Variants in ZNF395 observed in about 807,000 individuals in gnomAD.
ZNF395 encodes HD gene regulatory region-binding protein 2.
In ZNF395, 20 loss-of-function variants were observed where a neutral mutation model predicts 57.7. That is an observed-to-expected ratio of 0.35 (90% CI 0.24 to 0.50). The LOEUF (loss-of-function observed/expected upper bound fraction) is 0.50. Ranked by LOEUF, ZNF395 falls within the 20% of genes least tolerant of loss-of-function variation. The probability of loss-of-function intolerance (pLI) is 0.97; values close to 1 mark genes in which losing one functional copy is unlikely to be tolerated. For synonymous variants in ZNF395, 295 were observed against 275.9 expected, an observed-to-expected ratio of 1.07 and a Z score of -0.69; for missense variants, 606 against 671.2, an observed-to-expected ratio of 0.90 and a Z score of 1.07.
At chr8:28,364,107 T>G (rs950795698) in intron 1 of ZNF395, among the ~76,000 whole-genome samples, 22 of 152,240 alleles carry the variant, frequency 1.4e-4, no homozygotes, top group African/African-American at 4.1e-4. Context: ...AATTTAATCC[T>G]CAAAAGGATC....
At chr8:28,362,371 T>C (rs957079235) in intron 1 of ZNF395, among the ~76,000 whole-genome samples, 2 of 152,200 alleles carry the variant, frequency 1.3e-5, no homozygotes, top group African/African-American at 2.4e-5. Context: ...CAGTTCCTAA[T>C]CTCTGCTGTT....
chr8:28,352,781 AAAAAC>A lies in ZNF395; in HGVS notation c.820-113_820-109del. 1.1e-6 allele frequency: 1 copy of A among 901,932 alleles called. No homozygotes were observed. The highest frequency in any genetic ancestry group is 2.5e-5 in the East Asian group (1 of 39,968). 55.9% of individuals were successfully genotyped at this position (901,932 alleles called of 1,614,324 possible). ...GCTGCTGTCCCCGGCCTGACCCAAC[AAAAAC>A]CTCCAGGAAAGGGGTTCTCTGGGAC... is the stretch of plus-strand genomic sequence containing the variant. On this transcript the variant is annotated intron_variant, in intron 5 of 9. Coordinates refer to ENST00000344423, the MANE Select transcript of ZNF395 (RefSeq NM_018660.3). The surrounding 1 kb of genome is among the most constrained non-coding windows in gnomAD (Gnocchi z 4.0).
chr8:28,364,333 CTA>C (rs1801884425), intron 1 of ZNF395, among the ~76,000 whole-genome samples: 1 of 152,006 alleles, frequency 6.6e-6, no homozygotes, highest in Non-Finnish European at 1.5e-5. Context: ...GTTTTTTTCC[CTA>C]TGTTAGTGAA....
At chr8:28,349,892 CCAGGGAGGGGG>C (rs1297970340) in intron 8 of ZNF395, among the ~76,000 whole-genome samples, 161 bp downstream of exon 8, 4 of 152,244 alleles carry the variant, frequency 2.6e-5, no homozygotes, top group Admixed American at 6.5e-5. Context: ...ATGGGGAGTG[CCAGGGAGGGGG>C]CAGCACAAGG....
chr8:28,349,130 A>G lies in ZNF395; in HGVS notation c.1425T>C (p.Gly475=). 1 of 1,566,864 alleles carries G rather than the reference A, an allele frequency of 6.4e-7. No homozygotes were observed. Among genetic ancestry groups the G allele is most frequent in the Non-Finnish European group, 8.6e-7 (1 of 1,157,610 alleles). The change falls in exon 9 of 10, where the codon GGT becomes GGC. Residue 475 remains glycine (G), a synonymous_variant. Transcript: ENST00000344423. ...IVTSPPRAQS[G]ARKARGEAKK... ...GACGACAGCGGACATCTCACCTGGC[A>G]CCACTCTGGGCCCGGGGTGGAGAAG...
At position 28,359,866 on chromosome 8, in the gene ZNF395, G is replaced by T; in HGVS notation, c.241-42C>A. 2 of 1,584,532 alleles carry T rather than the reference G, an allele frequency of 1.3e-6. No individual in the cohort carries two copies. The highest frequency in any genetic ancestry group is 1.7e-6 in the Non-Finnish European group (2 of 1,159,542). ...AGCAGTTAGTGGTCAGCCCTGGATG[G>T]GTCTCGCCCTGAAGTTCTCATGCAC... On this transcript the variant is annotated intron_variant, in intron 2 of 9. Coordinates refer to ENST00000344423, the MANE Select transcript of ZNF395 (RefSeq NM_018660.3). The surrounding 1 kb of genome is among the most constrained non-coding windows in gnomAD (Gnocchi z 4.7).
intron 1 of ZNF395, among the ~76,000 whole-genome samples, chr8:28,385,840 G>C (rs1201692495): frequency 1.4e-5 from 2 of 142,722 alleles, no homozygotes; most frequent in Admixed American, 6.9e-5. Flanking sequence ...CCGCCACCCC[G>C]GCCCTGCCGC....
At chr8:28,358,715 C>T (rs749772685) in intron 3 of ZNF395, among the ~76,000 whole-genome samples, 26 of 152,140 alleles carry the variant, frequency 1.7e-4, no homozygotes, top group Non-Finnish European at 2.9e-4. Context: ...TGAGCCACTG[C>T]GCCTGGCCTA....
Position 28,352,922 on chromosome 8 carries a change from GC to G in ZNF395, c.819+250del, listed in dbSNP as rs1801735048. On this transcript the variant is annotated intron_variant, in intron 5 of 9. Coordinates refer to ENST00000344423, the MANE Select transcript of ZNF395 (RefSeq NM_018660.3). The surrounding 1 kb of genome is among the most constrained non-coding windows in gnomAD (Gnocchi z 4.0). ...AGACCCTACTGGAGGCCTCTCCCAC[GC>G]AGACCTCTGCAGAAACACAGGAAAG... Among the ~76,000 whole-genome samples the G allele has an allele frequency of 6.6e-6, 1 of 152,186 alleles. No individual in the cohort carries two copies.
intron 1 of ZNF395, among the ~76,000 whole-genome samples, chr8:28,372,694 G>A (rs1405659921): frequency 6.6e-6 from 1 of 152,226 alleles, no homozygotes; most frequent in Non-Finnish European, 1.5e-5. Context: ...GGCTGAGGTG[G>A]GAGGATCACT....
At chr8:28,354,545 C>T (rs920122057) in intron 4 of ZNF395, among the ~76,000 whole-genome samples, 3 of 152,094 alleles carry the variant, frequency 2.0e-5, no homozygotes, top group Admixed American at 6.5e-5. Flanking sequence ...GGGATCTACC[C>T]GGCACAGGCT....
chr8:28,349,083 G>T lies in ZNF395; in HGVS notation c.1430+42C>A, dbSNP rs749419764. On this transcript the variant is annotated intron_variant, in intron 9 of 9. Coordinates refer to ENST00000344423, the MANE Select transcript of ZNF395 (RefSeq NM_018660.3). ...CGGAGTCCACGCCACTGGAGACAGG[G>T]CACAGAAACCAGAAGGCAGGGGACG... 6 of 1,541,460 alleles carry T rather than the reference G, an allele frequency of 3.9e-6. No homozygotes were observed. In the East Asian group the frequency reaches 1.4e-4, roughly 35 times the overall value.
chr8:28,349,967 C>T, intron 8 of ZNF395, 97 bp downstream of exon 8: 2 of 1,123,060 alleles, frequency 1.8e-6, no homozygotes, highest in Non-Finnish European at 2.4e-6. Context: ...CGACCTGTGG[C>T]CACGTGCCCC....
intron 1 of ZNF395, among the ~76,000 whole-genome samples, chr8:28,380,795 T>C (rs913123851): frequency 6.6e-6 from 1 of 152,252 alleles, no homozygotes; most frequent in African/African-American, 2.4e-5. Flanking sequence ...TTGCATCCGA[T>C]AGCCACACAT....
At chr8:28,379,157 G>A (rs576751170) in intron 1 of ZNF395, among the ~76,000 whole-genome samples, 1 of 152,320 alleles carries the variant, frequency 6.6e-6, no homozygotes, top group East Asian at 1.9e-4. Flanking sequence ...AGGTGCTACT[G>A]TGTACCCAAT....
Position 28,356,042 on chromosome 8 carries a change from C to A in ZNF395, c.583+628G>T, listed in dbSNP as rs1801775016. On this transcript the variant is annotated intron_variant, in intron 4 of 9. Coordinates refer to ENST00000344423, the MANE Select transcript of ZNF395 (RefSeq NM_018660.3). The surrounding 1 kb of genome is among the most constrained non-coding windows in gnomAD (Gnocchi z 4.0). ...TTCCCAAAAAACTTCAGGTTCACTACCAGTCTTGCCAAACTACTGACAAAT... is the reference window on the plus strand; with the variant it reads ...TTCCCAAAAAACTTCAGGTTCACTAACAGTCTTGCCAAACTACTGACAAAT... Among the ~76,000 whole-genome samples the A allele has an allele frequency of 6.6e-6, 1 of 152,220 alleles. No individual in the cohort carries two copies. Among genetic ancestry groups the A allele is most frequent in the African/African-American group, 2.4e-5 (1 of 41,460 alleles).
intron 1 of ZNF395, among the ~76,000 whole-genome samples, chr8:28,374,622 C>T (rs1269650204): frequency 6.6e-6 from 1 of 152,116 alleles, no homozygotes; most frequent in Non-Finnish European, 1.5e-5. Context: ...GTGGGCTTTG[C>T]AGCACAGATC....
At chr8:28,355,109 A>G (rs1801764059) in intron 4 of ZNF395, among the ~76,000 whole-genome samples, 1 of 152,164 alleles carries the variant, frequency 6.6e-6, no homozygotes, top group South Asian at 2.1e-4. Flanking sequence ...GACACAGGCA[A>G]TAAATACACT....
chr8:28,382,173 T>G (rs987033729), intron 1 of ZNF395, among the ~76,000 whole-genome samples: 1 of 152,110 alleles, frequency 6.6e-6, no homozygotes, highest in African/African-American at 2.4e-5. Flanking sequence ...CACAAGCCTG[T>G]CTCCTGTCCA....
Sources: allele counts gnomAD v4.1 joint callset (sites outside exome capture counted in the v4.1 genomes callset), GRCh38; gene constraint gnomAD v4.1.1; non-coding constraint Gnocchi (gnomAD v3.1); transcripts MANE v1.5; gene names NCBI Gene and HGNC (gene_info 2026-07-23, HGNC 2026-07-21).